Variants in SIRPG observed in about 807,000 individuals in gnomAD.
SIRPG encodes the protein signal-regulatory protein gamma.
Under a neutral mutation model 35.7 loss-of-function variants are expected in SIRPG, and 38 were observed. That is an observed-to-expected ratio of 1.06 (90% confidence interval 0.82 to 1.40). The LOEUF is 1.40. Among genes scored for constraint, SIRPG ranks in the 40% most tolerant of loss-of-function variants. SIRPG has a pLI of 0.00. For synonymous variants in SIRPG, 215 were observed against 190.4 expected (o/e 1.13, Z -1.06); for missense variants, 519 against 483.0 (o/e 1.07, Z -0.70).
chr20:1,648,780 C>A (rs1411913161), intron 2 of SIRPG, among the ~76,000 whole-genome samples: 1 of 152,168 alleles, frequency 6.6e-6, no homozygotes, highest in Admixed American at 6.5e-5. Context: ...TTTGTGGAAC[C>A]AAAGGGCTGG....
the SIRPG span, among the ~76,000 whole-genome samples, chr20:1,672,449 C>G: frequency 1.3e-5 from 2 of 152,166 alleles, no homozygotes; most frequent in Admixed American, 1.3e-4. Flanking sequence ...AAGGTCAAGC[C>G]ACAGGATGTT....
upstream of SIRPG, among the ~76,000 whole-genome samples, chr20:1,662,024 C>A (rs1220523976): frequency 1.3e-4 from 20 of 152,334 alleles, no homozygotes; most frequent in South Asian, 4.1e-3. Context: ...GGGATGAAAC[C>A]CAGTCCCCTG....
the SIRPG span, among the ~76,000 whole-genome samples, chr20:1,663,340 C>G: frequency 1.3e-5 from 2 of 152,044 alleles, no homozygotes; most frequent in Non-Finnish European, 2.9e-5. Flanking sequence ...AAAAAATCAT[C>G]GTGACTGAAA....
chr20:1,671,383 G>C, the SIRPG span, among the ~76,000 whole-genome samples: 3 of 152,144 alleles, frequency 2.0e-5, no homozygotes, highest in African/African-American at 7.2e-5. Flanking sequence ...GTCCAGACCT[G>C]AGTTCAAAGT....
the SIRPG span, among the ~76,000 whole-genome samples, chr20:1,678,431 T>G: frequency 3.9e-5 from 6 of 152,074 alleles, no homozygotes; most frequent in African/African-American, 2.4e-5. Flanking sequence ...GTTGAAAGTA[T>G]TACAACTAAA....
intron 1 of SIRPG, among the ~76,000 whole-genome samples, chr20:1,656,102 A>G (rs2091973957): frequency 6.6e-6 from 1 of 152,214 alleles, no homozygotes; most frequent in Admixed American, 6.5e-5. Flanking sequence ...GGGAAAACAT[A>G]CATACACTAG....
the SIRPG span, among the ~76,000 whole-genome samples, chr20:1,663,045 A>G: frequency 3.3e-5 from 5 of 151,660 alleles, no homozygotes; most frequent in Admixed American, 2.6e-4. Flanking sequence ...CCGGCGCGGT[A>G]GCTCACGCCT....
At chr20:1,664,805 A>G in the SIRPG span, among the ~76,000 whole-genome samples, 1 of 152,170 alleles carries the variant, frequency 6.6e-6, no homozygotes, top group African/African-American at 2.4e-5. Context: ...GTGCCAGCTC[A>G]GCCCTCCTCC....
chr20:1,635,331 G>C lies in SIRPG; in HGVS notation c.1017C>G (p.Val339=). 8.1e-6 allele frequency: 13 copies of C among 1,614,218 alleles called. No individual in the cohort carries two copies. Among genetic ancestry groups the C allele is most frequent in the Non-Finnish European group, 1.1e-5 (13 of 1,180,024 alleles). The change falls in exon 4 of 6, where the codon GTC becomes GTG. Residue 339 remains valine (V), a synonymous_variant. Coordinates refer to ENST00000303415, the MANE Select transcript of SIRPG (RefSeq NM_018556.4). ...CQVKHDGQLA[V]SKRLALEVTV... ...TGACCTCTAGGGCAAGGCGTTTGCT[G>C]ACCGCCAGCTGCCCATCATGCTTCA...
the SIRPG span, among the ~76,000 whole-genome samples, chr20:1,683,842 A>T: frequency 6.6e-6 from 1 of 152,034 alleles, no homozygotes; most frequent in South Asian, 2.1e-4. Context: ...GGTGGCGGAC[A>T]TCTGTAATCC....
Position 1,635,373 on chromosome 20 carries a change from C to G in SIRPG, c.975G>C (p.Val325=). The G allele has an allele frequency of 2.5e-6, 4 of 1,614,076 alleles. No individual in the cohort carries two copies. The highest frequency in any genetic ancestry group is 3.4e-6 in the Non-Finnish European group (4 of 1,180,016). The part of the protein sequence containing the change: ...LVNISDQRDD[V]VLTCQVKHDG... ...CATGCTTCACCTGGCAGGTGAGGAC[C>G]ACATCATCCCTTTGGTCAGATATGT... Residue 325 remains valine, a synonymous_variant, in exon 4 of 6, where the codon GTG becomes GTC. Transcript: ENST00000303415.
chr20:1,651,492 G>T (rs1001177495), intron 1 of SIRPG: 2 of 152,190 alleles, frequency 1.3e-5, no homozygotes, highest in Admixed American at 6.5e-5. Flanking sequence ...CCTCCCATAT[G>T]GCTTCCTGTG....
chr20:1,638,842 C>T (rs1015977513), intron 2 of SIRPG, among the ~76,000 whole-genome samples: 10 of 148,090 alleles, frequency 6.8e-5, no homozygotes, highest in Non-Finnish European at 1.5e-5. Context: ...CATTGTGCAA[C>T]TCCCACTTAT....
At chr20:1,630,437 G>T (rs1568721282) in intron 4 of SIRPG, 131 bp from the exon 5 acceptor site, 1 of 666,316 alleles carries the variant, frequency 1.5e-6, no homozygotes, top group Non-Finnish European at 2.6e-6. Context: ...TCCTGCCCAG[G>T]CTATCTTCAC....
chr20:1,685,794 CAT>C, the SIRPG span, among the ~76,000 whole-genome samples: 1 of 152,160 alleles, frequency 6.6e-6, no homozygotes, highest in African/African-American at 2.4e-5. Context: ...CCCCGGGAAA[CAT>C]TGCTCCCCTG....
chr20:1,666,853 T>C, the SIRPG span, among the ~76,000 whole-genome samples: 1 of 152,058 alleles, frequency 6.6e-6, no homozygotes, highest in Admixed American at 6.5e-5. Flanking sequence ...AAAAAATTAT[T>C]AAAAAATATT....
At chr20:1,674,984 C>T in the SIRPG span, among the ~76,000 whole-genome samples, 1 of 152,240 alleles carries the variant, frequency 6.6e-6, no homozygotes, top group African/African-American at 2.4e-5. Context: ...GAGCAAGTGC[C>T]CTGAATTCTT....
intron 4 of SIRPG, chr20:1,633,768 C>G (rs1381870399): frequency 6.6e-6 from 1 of 152,236 alleles, no homozygotes. Flanking sequence ...GGAGTTGAGA[C>G]TCCTCCTGGT....
the SIRPG span, among the ~76,000 whole-genome samples, chr20:1,686,161 C>T: frequency 1.3e-5 from 2 of 152,198 alleles, no homozygotes; most frequent in African/African-American, 4.8e-5. Context: ...TAGCCAGCTG[C>T]AGATCCACAG....
Sources: allele counts gnomAD v4.1 joint callset (sites outside exome capture counted in the v4.1 genomes callset), GRCh38; gene constraint gnomAD v4.1.1; transcripts MANE v1.5; gene names NCBI Gene and HGNC (gene_info 2026-07-23, HGNC 2026-07-21).